ZNF569: variants seen among roughly 807,000 people sequenced by gnomAD.
ZNF569 encodes DNA-binding protein.
Under a neutral mutation model 56.3 loss-of-function variants are expected in ZNF569, and 38 were observed. The observed-to-expected ratio is 0.68, with a 90% CI of 0.52 to 0.88. The LOEUF is 0.88. ZNF569 is among the 40% of genes least tolerant of loss of function. The pLI is 0.00. For synonymous variants in ZNF569, 241 were observed against 262.9 expected (o/e 0.92, Z 0.81); for missense variants, 666 against 809.2 (o/e 0.82, Z 2.15).
intron 2 of ZNF569, among the ~76,000 whole-genome samples, chr19:37,447,757 G>T (rs1444644596): frequency 6.6e-6 from 1 of 152,134 alleles, no homozygotes; most frequent in Non-Finnish European, 1.5e-5. Context: ...CTTTAGTAAA[G>T]GTTGTTCCCT....
chr19:37,469,051 TG>T (rs2041904446), upstream of ZNF569: 1 of 994,050 alleles, frequency 1.0e-6, no homozygotes. Flanking sequence ...GCAGAGCGCT[TG>T]TGCCTGCGCA....
intron 2 of ZNF569, among the ~76,000 whole-genome samples, chr19:37,447,830 C>T (rs1045154513): frequency 4.6e-5 from 7 of 152,262 alleles, no homozygotes; most frequent in African/African-American, 1.7e-4. Flanking sequence ...GAATGTTTGT[C>T]AAGTGCTTTT....
intron 3 of ZNF569, among the ~76,000 whole-genome samples, chr19:37,434,011 C>T (rs909755219): frequency 3.9e-5 from 6 of 152,002 alleles, no homozygotes; most frequent in African/African-American, 9.7e-5. Context: ...AATAGAAAGA[C>T]GAGAAGAAGG....
At chr19:37,421,399 C>T (rs975734449) in intron 5 of ZNF569, among the ~76,000 whole-genome samples, 1 of 152,176 alleles carries the variant, frequency 6.6e-6, no homozygotes, top group African/African-American at 2.4e-5. Context: ...TTTAGTTAGC[C>T]ACCCTCATCA....
chr19:37,425,616 A>C, intron 5 of ZNF569: 1 of 254,096 alleles, frequency 3.9e-6, no homozygotes, highest in Non-Finnish European at 7.5e-6. Context: ...CCACTGTGCC[A>C]GGCCCAATTT....
upstream of ZNF569, chr19:37,468,094 GTTTT>G (rs145332123): frequency 9.0e-6 from 6 of 663,734 alleles, no homozygotes; most frequent in African/African-American, 9.9e-5. Context: ...TGTTTGTTTT[GTTTT>G]TTTTGAGGCA....
chr19:37,452,325 G>A (rs1193936647), intron 2 of ZNF569, among the ~76,000 whole-genome samples: 1 of 152,028 alleles, frequency 6.6e-6, no homozygotes, highest in Non-Finnish European at 1.5e-5. Flanking sequence ...AGAATTAAAA[G>A]TTATTTACCC....
At chr19:37,457,461 TATA>T (rs1257595374) in intron 2 of ZNF569, among the ~76,000 whole-genome samples, 2 of 152,232 alleles carry the variant, frequency 1.3e-5, no homozygotes, top group African/African-American at 4.8e-5. Context: ...GGAATTGGTA[TATA>T]ATGTTTAAGA....
At chr19:37,456,420 A>G (rs1173823932) in intron 2 of ZNF569, among the ~76,000 whole-genome samples, 1 of 152,164 alleles carries the variant, frequency 6.6e-6, no homozygotes, top group Non-Finnish European at 1.5e-5. Flanking sequence ...TAAACTGATC[A>G]TCTAAGTGTC....
rs139485655 is a variant in ZNF569, at chr19:37,428,925, G to A, written c.16-2547C>T. The stretch of plus-strand genomic sequence containing the variant: ...TAACCTCAAATGATCTGCCTGCCTC[G>A]GCCTCCCAAAGTGCTGGGATTACAG... On this transcript the variant is annotated intron_variant, in intron 3 of 5. Transcript: ENST00000316950. 9.9e-5 allele frequency among the ~76,000 whole-genome samples: 15 copies of A among 151,636 alleles called. No homozygotes were observed. The South Asian group carries it at 2.1e-3, about 21-fold the overall frequency.
chr19:37,450,835 T>C (rs935127024), intron 2 of ZNF569, among the ~76,000 whole-genome samples: 16 of 152,214 alleles, frequency 1.1e-4, no homozygotes, highest in African/African-American at 3.9e-4. Context: ...TTTGTTTGCC[T>C]CAAGGTATTT....
At chr19:37,443,290 G>T (rs1399221805) in intron 3 of ZNF569, among the ~76,000 whole-genome samples, 1 of 152,294 alleles carries the variant, frequency 6.6e-6, no homozygotes, top group South Asian at 2.1e-4. Context: ...AGGTTGCAGT[G>T]AGCCAAGATC....
At chr19:37,422,390 A>G (rs2041053194) in intron 5 of ZNF569, among the ~76,000 whole-genome samples, 1 of 152,180 alleles carries the variant, frequency 6.6e-6, no homozygotes, top group Admixed American at 6.6e-5. Context: ...ACATGGATGA[A>G]GTTTGTGGCA....
chr19:37,456,462 C>G (rs1309921178), intron 2 of ZNF569, among the ~76,000 whole-genome samples: 1 of 152,058 alleles, frequency 6.6e-6, no homozygotes, highest in Non-Finnish European at 1.5e-5. Context: ...TTCTACTTCT[C>G]TCTTAGGGCC....
intron 5 of ZNF569, among the ~76,000 whole-genome samples, chr19:37,418,131 TAATAA>T (rs1407206581): frequency 6.9e-6 from 1 of 144,130 alleles, no homozygotes; most frequent in Non-Finnish European, 1.6e-5. Context: ...ATAATAATAA[TAATAA>T]AATAAAGTTC....
intron 3 of ZNF569, among the ~76,000 whole-genome samples, chr19:37,440,030 A>C (rs1474227106): frequency 1.3e-5 from 2 of 152,214 alleles, no homozygotes; most frequent in African/African-American, 2.4e-5. Flanking sequence ...GTACATTTAA[A>C]AATAACCAAA....
intron 5 of ZNF569, among the ~76,000 whole-genome samples, chr19:37,418,134 T>TAATAATAATAATAATAATAAA (rs1476685180): frequency 1.5e-5 from 2 of 137,682 alleles, no homozygotes; most frequent in African/African-American, 5.1e-5. Flanking sequence ...ATAATAATAA[T>TAATAATAATAATAATAATAAA]AAAATAAAGT....
In ZNF569 at chr19:37,412,493, A is replaced by G; in HGVS notation, c.*104T>C. On this transcript the variant is annotated 3_prime_UTR_variant, in exon 6 of 6. Transcript: ENST00000316950. ...AAATTTGTGGCTTTTTCAGAAGGCT[A>G]TCCCACATTCATAGTTTTCTACTCT... is the stretch of plus-strand genomic sequence containing the variant. 7.1e-7 allele frequency: 1 copy of G among 1,405,994 alleles called. No homozygotes were observed. Among genetic ancestry groups the G allele is most frequent in the African/African-American group, 1.4e-5 (1 of 69,192 alleles). The allele number at this position is 1,405,994 out of a possible 1,614,324, so 87.1% of individuals were successfully genotyped here.
intron 4 of ZNF569, 82 bp downstream of exon 4, chr19:37,426,170 G>A (rs2041128538): frequency 3.4e-6 from 5 of 1,473,012 alleles, no homozygotes; most frequent in Non-Finnish European, 4.6e-6. Flanking sequence ...TATTTAAAAG[G>A]TCCATGTATT....
Sources: allele counts gnomAD v4.1 joint callset (sites outside exome capture counted in the v4.1 genomes callset), GRCh38; gene constraint gnomAD v4.1.1; transcripts MANE v1.5; gene names NCBI Gene and HGNC (gene_info 2026-07-23, HGNC 2026-07-21).